The following DGCR2 variants were observed in gnomAD, a reference collection of about 807,000 sequenced individuals.
DGCR2 encodes DiGeorge syndrome critical region gene 2.
Under a neutral mutation model 51.6 loss-of-function variants are expected in DGCR2, and 24 were observed. That is an observed-to-expected ratio of 0.47 (90% CI 0.34 to 0.65). The LOEUF (loss-of-function observed/expected upper bound fraction) is 0.65. Ranked by LOEUF, DGCR2 falls within the 30% of genes least tolerant of loss-of-function variation. The probability of loss-of-function intolerance (pLI) is 0.01; values close to 1 mark genes in which losing one functional copy is unlikely to be tolerated. For synonymous variants in DGCR2, 340 were observed against 315.4 expected (o/e 1.08, Z -0.82); for missense variants, 765 against 772.1 (o/e 0.99, Z 0.11).
chr22:19,081,560 G>A (rs1046273977), intron 2 of DGCR2, among the ~76,000 whole-genome samples: 3 of 152,178 alleles, frequency 2.0e-5, no homozygotes, highest in Non-Finnish European at 4.4e-5. Context: ...TGTATCAATG[G>A]CAAAAATTAA....
intron 2 of DGCR2, among the ~76,000 whole-genome samples, chr22:19,074,181 T>C (rs2145984325): frequency 6.6e-6 from 1 of 152,126 alleles, no homozygotes; most frequent in Non-Finnish European, 1.5e-5. Context: ...ATCCCAGAAC[T>C]TTGGGAGACC....
chr22:19,099,989 C>G (rs1205087322), intron 1 of DGCR2, among the ~76,000 whole-genome samples: 1 of 150,050 alleles, frequency 6.7e-6, no homozygotes, highest in South Asian at 2.1e-4. Context: ...AAAAGTCACC[C>G]TTGACCCAGT....
chr22:19,094,272 G>A (rs775569830), intron 1 of DGCR2, among the ~76,000 whole-genome samples: 5 of 151,988 alleles, frequency 3.3e-5, no homozygotes, highest in East Asian at 3.9e-4. Flanking sequence ...TACCAAAAAC[G>A]CAAAAATTAG....
At chr22:19,065,411 G>A (rs2082737460) in intron 3 of DGCR2, among the ~76,000 whole-genome samples, 1 of 152,090 alleles carries the variant, frequency 6.6e-6, no homozygotes, top group Non-Finnish European at 1.5e-5. Flanking sequence ...GTTCACTTTG[G>A]GCCCTGCTTC....
Position 19,096,983 on chromosome 22 carries a change from C to T in DGCR2, c.80-7493G>A, listed in dbSNP as rs2083148507. Reference sequence around the variant, plus strand: ...AAATCTACGCCCTAACATATCATACCCTAGGCCCAGAAAAACTTCAATGCA... The same window carrying T: ...AAATCTACGCCCTAACATATCATACTCTAGGCCCAGAAAAACTTCAATGCA... On this transcript the variant is annotated intron_variant, in intron 1 of 9. Coordinates refer to ENST00000263196, the MANE Select transcript of DGCR2 (RefSeq NM_005137.3). Among the ~76,000 whole-genome samples the T allele has an allele frequency of 2.0e-5, 3 of 151,886 alleles. No individual in the cohort carries two copies. In the South Asian group the frequency reaches 6.2e-4, roughly 31 times the overall value.
chr22:19,074,411 TGAA>T (rs1407764984), intron 2 of DGCR2, among the ~76,000 whole-genome samples: 1 of 77,888 alleles, frequency 1.3e-5, no homozygotes, highest in Non-Finnish European at 2.3e-5. Flanking sequence ...CAGAGCAAGA[TGAA>T]AAAAAAAAAA....
intron 7 of DGCR2, among the ~76,000 whole-genome samples, chr22:19,042,818 G>GT (rs2082448058): frequency 1.3e-5 from 2 of 152,190 alleles, no homozygotes; most frequent in Admixed American, 6.5e-5. Flanking sequence ...GTCAACTCAG[G>GT]TATCATTTCA....
chr22:19,084,533 C>T (rs1235028753), intron 2 of DGCR2, among the ~76,000 whole-genome samples: 1 of 139,664 alleles, frequency 7.2e-6, no homozygotes, highest in African/African-American at 2.8e-5. Flanking sequence ...GCAGCCGCCC[C>T]GTCTGAGAAG....
intron 4 of DGCR2, 124 bp from the exon 5 acceptor site, chr22:19,063,402 G>A (rs1459402105): frequency 6.0e-6 from 5 of 839,618 alleles, no homozygotes; most frequent in East Asian, 5.5e-5. Flanking sequence ...GTGCAGTGGT[G>A]CGATCTCGGC....
At chr22:19,076,454 C>T (rs761307127) in intron 2 of DGCR2, among the ~76,000 whole-genome samples, 3 of 152,186 alleles carry the variant, frequency 2.0e-5, no homozygotes, top group African/African-American at 4.8e-5. Flanking sequence ...CGTGAGCCAC[C>T]GCGCCCGGCA....
intron 1 of DGCR2, among the ~76,000 whole-genome samples, chr22:19,108,255 T>C (rs2083278982): frequency 6.6e-6 from 1 of 152,012 alleles, no homozygotes; most frequent in South Asian, 2.1e-4. Flanking sequence ...TAAAAAAGTC[T>C]TTGATCAAAA....
chr22:19,105,928 C>G (rs1379730939), intron 1 of DGCR2, among the ~76,000 whole-genome samples: 1 of 152,108 alleles, frequency 6.6e-6, no homozygotes, highest in Non-Finnish European at 1.5e-5. Context: ...GGGGTCCCGG[C>G]TCACCAGTCC....
chr22:19,063,709 A>G (rs967874260), intron 4 of DGCR2, among the ~76,000 whole-genome samples: 2 of 152,086 alleles, frequency 1.3e-5, no homozygotes, highest in South Asian at 4.1e-4. Flanking sequence ...TCAAAACAAG[A>G]AAGTTCACAG....
chr22:19,060,291 C>T (rs1332245815), intron 5 of DGCR2, among the ~76,000 whole-genome samples: 1 of 152,208 alleles, frequency 6.6e-6, no homozygotes, highest in African/African-American at 2.4e-5. Context: ...GCGGGCAACA[C>T]CATACAATCC....
chr22:19,076,914 T>C (rs1347835147), intron 2 of DGCR2, among the ~76,000 whole-genome samples: 1 of 151,824 alleles, frequency 6.6e-6, no homozygotes, highest in Non-Finnish European at 1.5e-5. Context: ...TGTTTTTTAG[T>C]AGAGACGGGG....
chr22:19,061,756 A>C (rs2082665673), intron 5 of DGCR2: 1 of 152,232 alleles, frequency 6.6e-6, no homozygotes, highest in Non-Finnish European at 1.5e-5. Context: ...ACTGGGCACA[A>C]GCAGGCAGTG....
chr22:19,056,951 A>C, intron 6 of DGCR2, 35 bp downstream of exon 6: 4 of 1,535,066 alleles, frequency 2.6e-6, no homozygotes, highest in Non-Finnish European at 3.5e-6. Context: ...AAGGGCCCAG[A>C]CATTCCCCAA....
At chr22:19,072,078 T>TC in intron 2 of DGCR2, among the ~76,000 whole-genome samples, 1 of 152,026 alleles carries the variant, frequency 6.6e-6, no homozygotes, top group South Asian at 2.1e-4. Context: ...ACACCCAGAT[T>TC]CCTCCCACAA....
chr22:19,119,743 A>AG (rs1226191798), intron 1 of DGCR2, among the ~76,000 whole-genome samples: 1 of 151,434 alleles, frequency 6.6e-6, no homozygotes, highest in Non-Finnish European at 1.5e-5. Context: ...CTCAAAAAAA[A>AG]AAAAAAAAAA....
Sources: allele counts gnomAD v4.1 joint callset (sites outside exome capture counted in the v4.1 genomes callset), GRCh38; gene constraint gnomAD v4.1.1; transcripts MANE v1.5; gene names NCBI Gene and HGNC (gene_info 2026-07-23, HGNC 2026-07-21).